Variants in WDR5 observed in about 807,000 individuals in gnomAD.
WDR5 encodes the protein WD repeat domain 5, also known as WD repeat-containing protein 5.
For synonymous variants in WDR5, 144 were observed against 161.6 expected (o/e 0.89, Z 0.83); for missense variants, 187 against 416.9 (o/e 0.45, Z 4.80).
At chr9:134,145,096 G>GTTGTTTTTTTTTTTTTT (rs1554726635) in intron 7 of WDR5, among the ~76,000 whole-genome samples, 4 of 104,718 alleles carry the variant, frequency 3.8e-5, no homozygotes, top group African/African-American at 1.4e-4. Flanking sequence ...GTGGGGCTTT[G>GTTGTTTTTTTTTTTTTT]TTTTTTTTTT....
chr9:134,155,855 A>C, intron 12 of WDR5, 88 bp downstream of exon 12: 1 of 1,243,238 alleles, frequency 8.0e-7, no homozygotes, highest in Non-Finnish European at 1.2e-6. Context: ...TTATACTCAG[A>C]GACACTTTTC....
At chr9:134,151,933 T>C in intron 8 of WDR5, 50 bp from the exon 9 acceptor site, 1 of 1,584,630 alleles carries the variant, frequency 6.3e-7, no homozygotes, top group Non-Finnish European at 8.6e-7. Flanking sequence ...GCAGCCCGCG[T>C]GAGATCATAA....
At chr9:134,142,566 G>C in intron 6 of WDR5, 70 bp from the exon 7 acceptor site, 1 of 1,577,096 alleles carries the variant, frequency 6.3e-7, no homozygotes, top group Non-Finnish European at 8.7e-7. Flanking sequence ...GCTGATAGCA[G>C]GTCTTAGGTT....
chr9:134,145,754 C>T (rs567697730), intron 7 of WDR5, among the ~76,000 whole-genome samples: 174 of 152,242 alleles, frequency 1.1e-3, no homozygotes, highest in African/African-American at 4.0e-3. Context: ...CGCTGCCGAC[C>T]CCCATCATCC....
At chr9:134,155,876 A>G (rs1161155233) in intron 12 of WDR5, 109 bp downstream of exon 12, 3 of 1,033,222 alleles carry the variant, frequency 2.9e-6, no homozygotes, top group Non-Finnish European at 4.3e-6. Flanking sequence ...TGTGCCCACA[A>G]AATGAATTTC....
At chr9:134,156,697 C>A in intron 13 of WDR5, 104 bp downstream of exon 13, 1 of 1,105,136 alleles carries the variant, frequency 9.0e-7, no homozygotes, top group Non-Finnish European at 1.3e-6. Context: ...CTTCCCCTTC[C>A]CACCTCAGCC....
intron 12 of WDR5, 124 bp from the exon 13 acceptor site, chr9:134,156,382 C>G (rs927819462): frequency 1.9e-5 from 18 of 946,170 alleles, no homozygotes; most frequent in Middle Eastern, 2.5e-4. Context: ...TGGTTGAGTT[C>G]AGCGAGGCAG....
At chr9:134,142,147 A>C in intron 5 of WDR5, 109 bp downstream of exon 5, 1 of 609,802 alleles carries the variant, frequency 1.6e-6, no homozygotes, top group South Asian at 1.6e-5. Flanking sequence ...GCTCCTCTCC[A>C]GGGAAGACTG....
chr9:134,137,667 C>A (rs1301631145), intron 1 of WDR5, among the ~76,000 whole-genome samples: 397 of 93,054 alleles, frequency 4.3e-3, no homozygotes, highest in Middle Eastern at 6.0e-3. Flanking sequence ...GACTGTGTCT[C>A]AAAAAAAAAA....
At chr9:134,153,877 T>A (rs755605748) in intron 9 of WDR5, among the ~76,000 whole-genome samples, 1 of 152,190 alleles carries the variant, frequency 6.6e-6, no homozygotes, top group Non-Finnish European at 1.5e-5. Context: ...GGTTGCCATG[T>A]CCTGAAAACT....
At chr9:134,138,468 C>T (rs1831698206) in intron 1 of WDR5, among the ~76,000 whole-genome samples, 1 of 152,214 alleles carries the variant, frequency 6.6e-6, no homozygotes, top group Admixed American at 6.5e-5. Context: ...GTTAAATTGG[C>T]ATGGCTAGGT....
chr9:134,141,082 G>A (rs1232470766), intron 3 of WDR5, among the ~76,000 whole-genome samples: 1 of 152,170 alleles, frequency 6.6e-6, no homozygotes, highest in Non-Finnish European at 1.5e-5. Flanking sequence ...AGGAGTTCGA[G>A]AGCAGCCTGG....
In WDR5 at chr9:134,158,945, C is replaced by G. The variant is rs11556387; in HGVS notation, c.*952C>G. Reference sequence around the variant, plus strand: ...GTTGGGATGTGGGGGACACCTGTGGCATGGTAAGGCTCCCTGAGTCCCTTA... The same window carrying G: ...GTTGGGATGTGGGGGACACCTGTGGGATGGTAAGGCTCCCTGAGTCCCTTA... On this transcript the variant is annotated 3_prime_UTR_variant, in exon 14 of 14. Coordinates refer to ENST00000358625, the MANE Select transcript of WDR5 (RefSeq NM_017588.3). 6.6e-6 allele frequency: 1 copy of G among 152,132 alleles called. No homozygotes were observed. Among genetic ancestry groups the G allele is most frequent in the African/African-American group, 2.4e-5 (1 of 41,434 alleles). The allele number at this position is 152,132 out of a possible 1,614,324, so 9.4% of individuals were successfully genotyped here. A position where few individuals can be genotyped will look rare whatever the true frequency, so the allele number is the denominator to read the frequency against.
chr9:134,149,824 C>T (rs901466365), intron 8 of WDR5, among the ~76,000 whole-genome samples: 5 of 152,240 alleles, frequency 3.3e-5, no homozygotes, highest in South Asian at 2.1e-4. Context: ...AGCACCGCAG[C>T]GGGAGGAAGC....
intron 8 of WDR5, among the ~76,000 whole-genome samples, chr9:134,151,281 C>T (rs1432586022): frequency 1.3e-5 from 2 of 152,068 alleles, no homozygotes; most frequent in Admixed American, 6.5e-5. Flanking sequence ...CAGAGAGCTT[C>T]GGGGCCCTCC....
chr9:134,143,995 G>A (rs1334037130), intron 7 of WDR5, among the ~76,000 whole-genome samples: 2 of 152,266 alleles, frequency 1.3e-5, no homozygotes, highest in Non-Finnish European at 2.9e-5. Flanking sequence ...AAGGGTGGAT[G>A]CAGCATTTGT....
chr9:134,150,361 A>AG (rs1159480248), intron 8 of WDR5, among the ~76,000 whole-genome samples: 1 of 152,226 alleles, frequency 6.6e-6, no homozygotes, highest in Non-Finnish European at 1.5e-5. Flanking sequence ...ATTAATTAGT[A>AG]GGGGTCAAAA....
intron 7 of WDR5, among the ~76,000 whole-genome samples, chr9:134,144,450 C>T (rs1431833257): frequency 1.3e-5 from 2 of 152,152 alleles, no homozygotes; most frequent in African/African-American, 4.8e-5. Flanking sequence ...CTGTGAGCAT[C>T]CTAGAGGCCA....
chr9:134,138,763 G>T (rs187939701), intron 1 of WDR5, among the ~76,000 whole-genome samples: 1 of 152,120 alleles, frequency 6.6e-6, no homozygotes, highest in African/African-American at 2.4e-5. Context: ...TCCATTTCGC[G>T]TTAGTGTTAC....
Sources: gnomAD v4.1 joint callset for allele counts (sites outside exome capture counted in the v4.1 genomes callset) on GRCh38, gnomAD v4.1.1 for gene constraint, MANE v1.5 for transcripts, NCBI Gene and HGNC (gene_info 2026-07-23, HGNC 2026-07-21) for gene names.